The following LMNB1 variants were observed in gnomAD, a reference collection of about 807,000 sequenced individuals.
LMNB1 encodes lamin B1, also known as lamin-B1.
LMNB1 carries 23 observed loss-of-function variants against 67.1 expected under a neutral mutation model. That is an observed-to-expected ratio of 0.34 (90% CI 0.25 to 0.49). The LOEUF (loss-of-function observed/expected upper bound fraction) is 0.49. LMNB1 is among the 20% of genes least tolerant of loss of function. The probability of loss-of-function intolerance (pLI) is 0.99; values close to 1 mark genes in which losing one functional copy is unlikely to be tolerated. For synonymous variants in LMNB1, 281 were observed against 282.9 expected, an observed-to-expected ratio of 0.99 and a Z score of 0.07; for missense variants, 634 against 746.5, an observed-to-expected ratio of 0.85 and a Z score of 1.76.
chr5:126,821,384 A>T (rs1281166549), intron 7 of LMNB1, among the ~76,000 whole-genome samples: 1 of 152,184 alleles, frequency 6.6e-6, no homozygotes, highest in Non-Finnish European at 1.5e-5. Context: ...TTTTTTGAAA[A>T]GCATGTTCCT....
chr5:126,788,053 G>C (rs1750853902), intron 1 of LMNB1, among the ~76,000 whole-genome samples: 1 of 152,086 alleles, frequency 6.6e-6, no homozygotes, highest in Non-Finnish European at 1.5e-5. Context: ...GCAGGTGGAA[G>C]AAAGGAGAGA....
At chr5:126,804,439 T>A (rs1751365540) in intron 1 of LMNB1, among the ~76,000 whole-genome samples, 1 of 152,160 alleles carries the variant, frequency 6.6e-6, no homozygotes, top group Admixed American at 6.6e-5. Flanking sequence ...ATTTAAAAAA[T>A]GAATTTTCAT....
intron 1 of LMNB1, among the ~76,000 whole-genome samples, chr5:126,780,151 A>G (rs982382036): frequency 6.6e-6 from 1 of 152,128 alleles, no homozygotes; most frequent in Admixed American, 6.6e-5. Flanking sequence ...CAGATGGTCC[A>G]CTGCACTCCA....
chr5:126,828,761 C>T (rs1359117361), intron 9 of LMNB1, among the ~76,000 whole-genome samples: 2 of 151,864 alleles, frequency 1.3e-5, no homozygotes, highest in East Asian at 3.9e-4. Context: ...TGGGGTTTTA[C>T]CATATTGGCC....
intron 1 of LMNB1, among the ~76,000 whole-genome samples, chr5:126,800,967 A>AATT (rs1751261069): frequency 1.3e-5 from 1 of 75,182 alleles, no homozygotes; most frequent in African/African-American, 4.5e-5. Context: ...ATATATATAT[A>AATT]TATATATATA....
chr5:126,777,367 C>G lies in LMNB1; in HGVS notation c.-142C>G. On this transcript the variant is annotated 5_prime_UTR_variant, in exon 1 of 11. Coordinates refer to ENST00000261366, the MANE Select transcript of LMNB1 (RefSeq NM_005573.4). ...CGAGCTCCCGCCATCCCAGGTGCTT[C>G]TCCGTTCCTCTAAACGCCAGCGTCT... The G allele has an allele frequency of 9.9e-7, 1 of 1,013,636 alleles. No homozygotes were observed. The allele number at this position is 1,013,636 out of a possible 1,614,324, so 62.8% of individuals were successfully genotyped here. A position where few individuals can be genotyped will look rare whatever the true frequency, so the allele number is the denominator to read the frequency against.
At chr5:126,820,878 TA>T in intron 6 of LMNB1, 31 bp from the exon 7 acceptor site, 1 of 1,537,262 alleles carries the variant, frequency 6.5e-7, no homozygotes, top group Non-Finnish European at 9.0e-7. Context: ...ATATGTGTTT[TA>T]AAAATGAATT....
chr5:126,779,281 C>T (rs1289989954), intron 1 of LMNB1, among the ~76,000 whole-genome samples: 3 of 152,188 alleles, frequency 2.0e-5, no homozygotes, highest in African/African-American at 7.2e-5. Context: ...TACCTCTTTC[C>T]GGAGGCAATC....
Position 126,836,367 on chromosome 5 carries a change from T to C in LMNB1, c.*103T>C, listed in dbSNP as rs183599772. The C allele has an allele frequency of 1.1e-5, 9 of 837,684 alleles. No homozygotes were observed. The East Asian group carries it at 2.3e-4, about 21-fold the overall frequency. The allele number at this position is 837,684 out of a possible 1,614,324, so 51.9% of individuals were successfully genotyped here. ...ACAGAATATTTTTATATTTCCTTTATGTGAATTTTTAAGCTGCAAATCTGA... is the reference window on the plus strand; with the variant it reads ...ACAGAATATTTTTATATTTCCTTTACGTGAATTTTTAAGCTGCAAATCTGA... On this transcript the variant is annotated 3_prime_UTR_variant, in exon 11 of 11. Transcript: ENST00000261366.
rs747421655 is a variant in LMNB1 at position 126,804,805 on chromosome 5, G to A, written c.389G>A (p.Gly130Asp). 3.7e-6 allele frequency: 6 copies of A among 1,613,932 alleles called. No homozygotes were observed. In the South Asian group the frequency reaches 5.5e-5, roughly 15 times the overall value. The change falls in exon 2 of 11, where the codon GGC (glycine) becomes GAC (aspartate). Residue 130 changes from glycine to aspartate, a missense_variant. Physicochemically the swap from Gly to Asp is moderately conservative, Grantham distance 94. Coordinates refer to ENST00000261366, the MANE Select transcript of LMNB1 (RefSeq NM_005573.4). ...NYAKKESDLN[G>D]AQIKLREYEA... ...GCTAAGAAGGAATCTGATCTTAATG[G>A]CGCCCAGATCAAGCTTCGAGAATAT...
At chr5:126,832,926 G>T in intron 10 of LMNB1, 125 bp downstream of exon 10, 2 of 536,536 alleles carry the variant, frequency 3.7e-6, no homozygotes, top group East Asian at 6.7e-5. Context: ...TACCAAGTGG[G>T]GTTTGTACTC....
At chr5:126,797,381 C>A (rs943736522) in intron 1 of LMNB1, among the ~76,000 whole-genome samples, 1 of 151,884 alleles carries the variant, frequency 6.6e-6, no homozygotes, top group Admixed American at 6.6e-5. Flanking sequence ...ATAGGAAGAT[C>A]TCCTTATCTG....
intron 1 of LMNB1, among the ~76,000 whole-genome samples, chr5:126,778,135 G>C (rs1750521718): frequency 6.6e-6 from 1 of 152,166 alleles, no homozygotes; most frequent in Admixed American, 6.5e-5. Context: ...TGGTAAGTGC[G>C]CGCCTGGGAC....
At position 126,805,706 on chromosome 5, in the gene LMNB1, T is replaced by C. The variant is rs200907573; in HGVS notation, c.642+10T>C. The C allele has an allele frequency of 2.4e-4, 382 of 1,593,078 alleles. 2 individuals are homozygous for C. Among genetic ancestry groups the C allele is most frequent in the Admixed American group, 2.6e-4 (15 of 57,096 alleles). ...AAGCATGTATGAAGAGGTAACTATA[T>C]ATAATTTTGCTTTGTAAAGGAATGG... On this transcript the variant is annotated intron_variant, in intron 3 of 10. Coordinates refer to ENST00000261366, the MANE Select transcript of LMNB1 (RefSeq NM_005573.4).
chr5:126,790,163 T>TA (rs1249454429), intron 1 of LMNB1, among the ~76,000 whole-genome samples: 1 of 152,016 alleles, frequency 6.6e-6, no homozygotes, highest in Non-Finnish European at 1.5e-5. Flanking sequence ...GAGTAGTGAG[T>TA]GGTATGATCT....
intron 1 of LMNB1, among the ~76,000 whole-genome samples, chr5:126,787,544 A>ATTTTTTTTTT (rs1222029249): frequency 2.6e-5 from 2 of 76,298 alleles, no homozygotes; most frequent in African/African-American, 5.3e-5. Flanking sequence ...ATATATATAT[A>ATTTTTTTTTT]TATTTTTTTT....
chr5:126,783,620 A>G (rs1009367967), intron 1 of LMNB1, among the ~76,000 whole-genome samples: 1 of 152,172 alleles, frequency 6.6e-6, no homozygotes, highest in Non-Finnish European at 1.5e-5. Flanking sequence ...GGAGTTGTTT[A>G]TTTAACTTAG....
chr5:126,792,776 A>G (rs1019134472), intron 1 of LMNB1, among the ~76,000 whole-genome samples: 2 of 151,670 alleles, frequency 1.3e-5, no homozygotes, highest in African/African-American at 4.8e-5. Context: ...GGGTTTCTCC[A>G]TGCTGGTCAG....
At chr5:126,777,938 G>C (rs796496632) in intron 1 of LMNB1, 71 bp downstream of exon 1, 1 of 1,354,268 alleles carries the variant, frequency 7.4e-7, no homozygotes, top group Non-Finnish European at 9.5e-7. Flanking sequence ...CCAGCTCACC[G>C]GGTTCTGCCG....
Sources: allele counts gnomAD v4.1 joint callset (sites outside exome capture counted in the v4.1 genomes callset), GRCh38; gene constraint gnomAD v4.1.1; transcripts MANE v1.5; gene names NCBI Gene and HGNC (gene_info 2026-07-23, HGNC 2026-07-21).